SEMA3C: variants seen among roughly 807,000 people sequenced by gnomAD.
SEMA3C encodes semaphorin 3C.
Under a neutral mutation model 89.4 loss-of-function variants are expected in SEMA3C, and 47 were observed. The observed-to-expected ratio is 0.53, with a 90% CI of 0.42 to 0.67. SEMA3C has a LOEUF of 0.67. Ranked by LOEUF, SEMA3C falls within the 30% of genes least tolerant of loss-of-function variation. The probability of loss-of-function intolerance (pLI) is 0.00; values close to 1 mark genes in which losing one functional copy is unlikely to be tolerated. For synonymous variants in SEMA3C, 310 were observed against 320.2 expected, an observed-to-expected ratio of 0.97 and a Z score of 0.34; for missense variants, 839 against 929.1, an observed-to-expected ratio of 0.90 and a Z score of 1.26.
chr7:80,885,219 T>C (rs1385218388), intron 2 of SEMA3C, among the ~76,000 whole-genome samples: 1 of 152,198 alleles, frequency 6.6e-6, no homozygotes, highest in Non-Finnish European at 1.5e-5. Context: ...TAATACCTTT[T>C]TTTGTTTGTT....
intron 5 of SEMA3C, among the ~76,000 whole-genome samples, chr7:80,812,971 T>A (rs943159128): frequency 1.8e-4 from 27 of 148,598 alleles, no homozygotes; most frequent in African/African-American, 6.4e-4. Context: ...ATTTTTTTTT[T>A]TTTTTTTTTT....
intron 15 of SEMA3C, among the ~76,000 whole-genome samples, chr7:80,755,235 T>C (rs1788038811): frequency 6.6e-6 from 1 of 151,734 alleles, no homozygotes. Context: ...ATGATTAAAA[T>C]TATAATTTGT....
intron 2 of SEMA3C, among the ~76,000 whole-genome samples, chr7:80,843,067 G>C (rs1040951865): frequency 4.6e-5 from 7 of 152,126 alleles, no homozygotes; most frequent in Admixed American, 4.6e-4. Flanking sequence ...TGGGGGTGCA[G>C]ATAAAGAGAA....
chr7:80,857,058 C>T (rs1286931131), intron 2 of SEMA3C, among the ~76,000 whole-genome samples: 2 of 152,160 alleles, frequency 1.3e-5, no homozygotes, highest in Admixed American at 1.3e-4. Context: ...GAGGACCAGT[C>T]ACTACGGTCC....
At chr7:80,766,647 T>G (rs1169310973) in intron 12 of SEMA3C, among the ~76,000 whole-genome samples, 1 of 106,380 alleles carries the variant, frequency 9.4e-6, no homozygotes, top group Non-Finnish European at 1.9e-5. Context: ...TTTTGTCCAA[T>G]TCTTTCCTCA....
intron 2 of SEMA3C, among the ~76,000 whole-genome samples, chr7:80,854,664 G>A (rs1045007019): frequency 6.6e-6 from 1 of 152,112 alleles, no homozygotes; most frequent in Non-Finnish European, 1.5e-5. Flanking sequence ...TTATATTAAT[G>A]AGCGGCCATC....
intron 5 of SEMA3C, among the ~76,000 whole-genome samples, chr7:80,817,651 C>A (rs1051802095): frequency 6.6e-6 from 1 of 152,014 alleles, no homozygotes; most frequent in African/African-American, 2.4e-5. Flanking sequence ...TAGTGTTTAG[C>A]AAACATCATA....
intron 2 of SEMA3C, among the ~76,000 whole-genome samples, chr7:80,905,101 G>A (rs1015617597): frequency 6.6e-5 from 10 of 150,570 alleles, no homozygotes; most frequent in African/African-American, 2.0e-4. Context: ...CATTTCTTGA[G>A]GTAATGTTGT....
At position 80,742,833 on chromosome 7, in the gene SEMA3C, A is replaced by T. The variant is rs558937058; in HGVS notation, c.*2061T>A. ...ATACATTAACAGCATTTTTGAAAAA[A>T]AATTTTCTTTTACATTCAGCAGAGT... On this transcript the variant is annotated 3_prime_UTR_variant, in exon 18 of 18. Transcript: ENST00000265361. The T allele has an allele frequency of 7.9e-5, 12 of 152,110 alleles. No individual in the cohort carries two copies. The East Asian group carries it at 1.7e-3, about 22-fold the overall frequency. 9.4% of individuals were successfully genotyped at this position (152,110 alleles called of 1,614,324 possible).
At chr7:80,849,415 G>A (rs1790460027) in intron 2 of SEMA3C, among the ~76,000 whole-genome samples, 1 of 150,962 alleles carries the variant, frequency 6.6e-6, no homozygotes, top group South Asian at 2.1e-4. Context: ...TTAATATTTT[G>A]TTTTTAAACT....
At chr7:80,745,477 T>C (rs1441614055) in intron 17 of SEMA3C, among the ~76,000 whole-genome samples, 170 bp from the exon 18 acceptor site, 1 of 151,452 alleles carries the variant, frequency 6.6e-6, no homozygotes, top group African/African-American at 2.4e-5. Flanking sequence ...CATTGCCTTT[T>C]TTTTTTTAAA....
chr7:80,745,291 C>T lies in SEMA3C; in HGVS notation c.1859G>A (p.Arg620Gln), dbSNP rs1323018126. The change falls in exon 18 of 18, where the codon CGA becomes CAA. Residue 620 changes from arginine (R) to glutamine (Q), a missense_variant. Transcript: ENST00000265361. ...GAGTCCCTGTGAAGTGGCTATTATT[C>T]GTTCATTCAGCTTAACCTAAAAGAG... ...DRRKEVKLNE[R>Q]IIATSQGLLI... 2.0e-5 allele frequency: 32 copies of T among 1,613,306 alleles called. No homozygotes were observed. Among genetic ancestry groups the T allele is most frequent in the African/African-American group, 4.0e-5 (3 of 74,878 alleles).
chr7:80,793,511 C>T (rs535568208), intron 11 of SEMA3C: 1 of 439,560 alleles, frequency 2.3e-6, no homozygotes, highest in East Asian at 7.1e-5. Flanking sequence ...GAAAGATAGA[C>T]ATATTCAAAG....
chr7:80,872,242 C>T (rs1380438580), intron 2 of SEMA3C, among the ~76,000 whole-genome samples: 3 of 152,086 alleles, frequency 2.0e-5, no homozygotes, highest in Admixed American at 1.3e-4. Flanking sequence ...CCTCCGCCTC[C>T]CAGGTTCAAG....
intron 15 of SEMA3C, among the ~76,000 whole-genome samples, chr7:80,752,977 G>A (rs1195771744): frequency 1.3e-5 from 2 of 152,132 alleles, no homozygotes; most frequent in African/African-American, 4.8e-5. Flanking sequence ...AAAGCACACA[G>A]TAGATATTAA....
At chr7:80,908,493 C>T (rs1349462057) in intron 2 of SEMA3C, among the ~76,000 whole-genome samples, 2 of 152,148 alleles carry the variant, frequency 1.3e-5, no homozygotes, top group Non-Finnish European at 2.9e-5. Flanking sequence ...CGCTCTTTGG[C>T]AACTGACGCT....
Position 80,766,183 on chromosome 7 carries a change from A to G in SEMA3C, c.1355-940T>C, listed in dbSNP as rs79402700. Among the ~76,000 whole-genome samples, 1,468 of 152,290 alleles carry G rather than the reference A, an allele frequency of 9.6e-3. 19 individuals are homozygous for G. Among genetic ancestry groups the G allele is most frequent in the African/African-American group, 0.032 (1,317 of 41,566 alleles). ...CACCTATTCATAGAAAAGTTCTACTATTTACACAATTTTATTTGTCAGTTT... is the reference window on the plus strand; with the variant it reads ...CACCTATTCATAGAAAAGTTCTACTGTTTACACAATTTTATTTGTCAGTTT... On this transcript the variant is annotated intron_variant, in intron 12 of 17. Transcript: ENST00000265361.
At chr7:80,852,993 C>T (rs1446021242) in intron 2 of SEMA3C, among the ~76,000 whole-genome samples, 1 of 151,912 alleles carries the variant, frequency 6.6e-6, no homozygotes, top group Non-Finnish European at 1.5e-5. Flanking sequence ...AGACATTTTT[C>T]AAAAGAAGAC....
intron 12 of SEMA3C, among the ~76,000 whole-genome samples, chr7:80,778,534 A>G (rs568166383): frequency 2.6e-4 from 40 of 152,304 alleles, no homozygotes; most frequent in Middle Eastern, 3.4e-3. Context: ...TCAAAGTTTA[A>G]ACCACATACA....
Sources: gnomAD v4.1 joint callset for allele counts (sites outside exome capture counted in the v4.1 genomes callset) on GRCh38, gnomAD v4.1.1 for gene constraint, MANE v1.5 for transcripts, NCBI Gene and HGNC (gene_info 2026-07-23, HGNC 2026-07-21) for gene names.